RNFT2: variants seen among roughly 807,000 people sequenced by gnomAD.
RNFT2 encodes the protein ring finger protein, transmembrane 2, also known as E3 ubiquitin-protein ligase RNFT2.
In RNFT2, 36 loss-of-function variants were observed where a neutral mutation model predicts 53.0. The ratio of observed to expected loss-of-function variants is 0.68; its 90% CI spans 0.52 to 0.90. The LOEUF (loss-of-function observed/expected upper bound fraction) is 0.90. Among genes scored for constraint, RNFT2 ranks in the 40% least tolerant of loss-of-function variants. RNFT2 has a pLI of 0.00. For missense variants in RNFT2, 514 were observed against 585.6 expected, an observed-to-expected ratio of 0.88 and a Z score of 1.26; for synonymous variants, 260 against 253.2, an observed-to-expected ratio of 1.03 and a Z score of -0.26.
At chr12:116,842,368 T>C (rs1877391939) in intron 10 of RNFT2, among the ~76,000 whole-genome samples, 1 of 152,000 alleles carries the variant, frequency 6.6e-6, no homozygotes, top group Admixed American at 6.6e-5. Context: ...CTGGGGGCCA[T>C]AATGGAAATC....
At chr12:116,810,379 C>CG (rs1379110606) in intron 7 of RNFT2, among the ~76,000 whole-genome samples, 1 of 152,144 alleles carries the variant, frequency 6.6e-6, no homozygotes, top group Non-Finnish European at 1.5e-5. Context: ...GAAAACAGTT[C>CG]GGGGTGTGCG....
In RNFT2 at chr12:116,778,419, C is replaced by T. The variant is rs1172324480; in HGVS notation, c.729-776C>T. 3.3e-5 allele frequency among the ~76,000 whole-genome samples: 5 copies of T among 152,166 alleles called. No homozygotes were observed. The East Asian group carries it at 9.6e-4, about 29-fold the overall frequency. On this transcript the variant is annotated intron_variant, in intron 6 of 10. Transcript: ENST00000257575. ...CTGTGAGGGTGGGTTCTTATAAAGC[C>T]AAGACGCCCCTGGGGTTTTGTCTGC...
intron 7 of RNFT2, among the ~76,000 whole-genome samples, chr12:116,819,925 G>C (rs1455830358): frequency 6.6e-6 from 1 of 152,182 alleles, no homozygotes; most frequent in Non-Finnish European, 1.5e-5. Context: ...AACTAGAAAG[G>C]AACAGGTGAC....
At chr12:116,787,179 C>T (rs141560897) in intron 7 of RNFT2, among the ~76,000 whole-genome samples, 330 of 152,334 alleles carry the variant, frequency 2.2e-3, no homozygotes, top group African/African-American at 7.5e-3. Flanking sequence ...AAAAAACACC[C>T]AGTTGCTCAG....
chr12:116,805,533 G>GGCGCAATC (rs1332133928), intron 7 of RNFT2, among the ~76,000 whole-genome samples: 1 of 152,130 alleles, frequency 6.6e-6, no homozygotes, highest in Admixed American at 6.5e-5. Flanking sequence ...GGAGTGCAGT[G>GGCGCAATC]GCGCAATCTC....
At chr12:116,769,898 G>T (rs1873099743) in intron 6 of RNFT2, among the ~76,000 whole-genome samples, 1 of 152,056 alleles carries the variant, frequency 6.6e-6, no homozygotes, top group African/African-American at 2.4e-5. Context: ...AGCCAGGTGT[G>T]GTGGCAGGAT....
intron 7 of RNFT2, among the ~76,000 whole-genome samples, chr12:116,829,914 T>G (rs1876550984): frequency 6.6e-6 from 1 of 151,810 alleles, no homozygotes; most frequent in Non-Finnish European, 1.5e-5. Context: ...TATCACATGC[T>G]CAGTATAAAA....
chr12:116,795,134 G>A (rs189383667), intron 7 of RNFT2, among the ~76,000 whole-genome samples: 6 of 151,068 alleles, frequency 4.0e-5, no homozygotes, highest in Non-Finnish European at 7.4e-5. Context: ...GGCCGGGCCC[G>A]GTGGCTCATG....
intron 7 of RNFT2, among the ~76,000 whole-genome samples, chr12:116,785,249 C>CTGTGTGTGTGTGTGTGTGTGTG (rs56185708): frequency 0.011 from 1,571 of 139,096 alleles, 20 homozygotes; most frequent in Middle Eastern, 0.018. Flanking sequence ...TTACCTACTT[C>CTGTGTGTGTGTGTGTGTGTGTG]TGTGTGTGTG....
chr12:116,764,341 C>T (rs1872818610), intron 5 of RNFT2, among the ~76,000 whole-genome samples: 1 of 152,026 alleles, frequency 6.6e-6, no homozygotes, highest in Non-Finnish European at 1.5e-5. Context: ...CACCAAAAAC[C>T]TATGGAAATA....
In RNFT2 at chr12:116,836,162, C is replaced by T. The variant is rs780312940; in HGVS notation, c.1099-19C>T. ...CCAAGGGCGCCCATAGCTGTATTTGCTTCTCCCCTCCCTCAAAGAACTATG... is the reference window on the plus strand; with the variant it reads ...CCAAGGGCGCCCATAGCTGTATTTGTTTCTCCCCTCCCTCAAAGAACTATG... On this transcript the variant is annotated intron_variant, in intron 9 of 10. Coordinates refer to ENST00000257575, the MANE Select transcript of RNFT2 (RefSeq NM_001382266.1). 29 of 1,592,278 alleles carry T rather than the reference C, an allele frequency of 1.8e-5. No individual in the cohort carries two copies. Among genetic ancestry groups the T allele is most frequent in the Non-Finnish European group, 2.3e-5 (27 of 1,168,770 alleles).
At chr12:116,791,490 TAGAGA>T (rs1874229573) in intron 7 of RNFT2, among the ~76,000 whole-genome samples, 1 of 152,090 alleles carries the variant, frequency 6.6e-6, no homozygotes, top group South Asian at 2.1e-4. Flanking sequence ...GTTTGTATTT[TAGAGA>T]GATGGGGTTT....
intron 7 of RNFT2, among the ~76,000 whole-genome samples, chr12:116,808,001 T>A (rs1875169112): frequency 6.6e-6 from 1 of 152,148 alleles, no homozygotes; most frequent in African/African-American, 2.4e-5. Context: ...ACAGTTTCGC[T>A]CTTGTTGCCC....
intron 5 of RNFT2, among the ~76,000 whole-genome samples, chr12:116,761,759 C>A (rs1490398620): frequency 6.6e-6 from 1 of 152,160 alleles, no homozygotes; most frequent in Non-Finnish European, 1.5e-5. Flanking sequence ...GGTAGTTGAG[C>A]CCGTGCTCAT....
intron 10 of RNFT2, among the ~76,000 whole-genome samples, chr12:116,840,489 T>C (rs191432516): frequency 2.9e-3 from 446 of 152,314 alleles, no homozygotes; most frequent in Middle Eastern, 6.8e-3. Context: ...CAGAGCACTT[T>C]TTCCAGAAAT....
chr12:116,757,967 T>C (rs1477242892), intron 5 of RNFT2, among the ~76,000 whole-genome samples: 1 of 152,242 alleles, frequency 6.6e-6, no homozygotes, highest in East Asian at 1.9e-4. Context: ...TCTCATTTCT[T>C]AGGTCTGTTA....
At chr12:116,820,502 G>A (rs1049661671) in intron 7 of RNFT2, among the ~76,000 whole-genome samples, 2 of 152,164 alleles carry the variant, frequency 1.3e-5, no homozygotes, top group African/African-American at 2.4e-5. Context: ...GAACATTTCC[G>A]GCATCTGGAA....
At chr12:116,751,833 A>G (rs2137076602) in intron 4 of RNFT2, among the ~76,000 whole-genome samples, 1 of 151,968 alleles carries the variant, frequency 6.6e-6, no homozygotes, top group South Asian at 2.1e-4. Flanking sequence ...ATCTCAGCTC[A>G]CTGCAAACCT....
Position 116,850,641 on chromosome 12 carries a change from G to GTTT in RNFT2, c.*1195_*1196insTTT, listed in dbSNP as rs1877881291. On this transcript the variant is annotated 3_prime_UTR_variant, in exon 11 of 11. Coordinates refer to ENST00000257575, the MANE Select transcript of RNFT2 (RefSeq NM_001382266.1). Reference sequence around the variant, plus strand: ...TTTTCTTTTTTTTTTTTTTTTTGTTGTTGTGAGACAGAGTCTTGCTCTGTT... The same window carrying GTTT: ...TTTTCTTTTTTTTTTTTTTTTTGTTGTTTTTGTGAGACAGAGTCTTGCTCTGTT... 2.3e-5 allele frequency: 1 copy of GTTT among 44,332 alleles called. No homozygotes were observed. The highest frequency in any genetic ancestry group is 8.0e-5 in the African/African-American group (1 of 12,434). 2.7% of individuals were successfully genotyped at this position (44,332 alleles called of 1,614,324 possible).
Sources: allele counts gnomAD v4.1 joint callset (sites outside exome capture counted in the v4.1 genomes callset), GRCh38; gene constraint gnomAD v4.1.1; transcripts MANE v1.5; gene names NCBI Gene and HGNC (gene_info 2026-07-23, HGNC 2026-07-21).